The following KCTD16 variants were observed in gnomAD, a reference collection of about 807,000 sequenced individuals.
The protein encoded by KCTD16 is BTB/POZ domain-containing protein KCTD16.
A neutral mutation model predicts 33.2 loss-of-function variants in KCTD16; 13 were observed. The ratio of observed to expected loss-of-function variants is 0.39; its 90% CI spans 0.25 to 0.62. The LOEUF is 0.62. Among genes scored for constraint, KCTD16 ranks in the 20% least tolerant of loss-of-function variants. KCTD16 has a pLI of 0.50. For missense variants in KCTD16, 441 were observed against 525.1 expected (o/e 0.84, Z 1.57); for synonymous variants, 197 against 195.3 (o/e 1.01, Z -0.07).
chr5:144,258,699 T>A (rs1754917091), intron 3 of KCTD16, among the ~76,000 whole-genome samples: 1 of 152,254 alleles, frequency 6.6e-6, no homozygotes, highest in African/African-American at 2.4e-5. Flanking sequence ...ATACAAAAAT[T>A]GCTCATTTCT....
chr5:144,240,021 C>G (rs943907866), intron 3 of KCTD16, among the ~76,000 whole-genome samples: 1 of 152,078 alleles, frequency 6.6e-6, no homozygotes, highest in Non-Finnish European at 1.5e-5. Flanking sequence ...ACCTGGATTA[C>G]CCCCTTTAGT....
At chr5:144,360,090 C>G (rs1751671228) in intron 3 of KCTD16, among the ~76,000 whole-genome samples, 1 of 152,092 alleles carries the variant, frequency 6.6e-6, no homozygotes, top group Non-Finnish European at 1.5e-5. Context: ...GCGTGACCAT[C>G]ATTCTTTTTT....
At chr5:144,459,216 G>T in intron 3 of KCTD16, among the ~76,000 whole-genome samples, 1 of 152,128 alleles carries the variant, frequency 6.6e-6, no homozygotes, top group Admixed American at 6.5e-5. Flanking sequence ...ATGGGAATCT[G>T]GAAATCTATG....
intron 3 of KCTD16, among the ~76,000 whole-genome samples, chr5:144,277,303 C>CGAT (rs1012887235): frequency 5.3e-5 from 8 of 152,186 alleles, no homozygotes; most frequent in Non-Finnish European, 1.0e-4. Context: ...ATGATGACGA[C>CGAT]GATGATGATG....
intron 3 of KCTD16, among the ~76,000 whole-genome samples, chr5:144,241,318 T>A (rs1395651817): frequency 6.6e-6 from 1 of 152,192 alleles, no homozygotes; most frequent in Non-Finnish European, 1.5e-5. Context: ...AACACAGCTT[T>A]CATGATGGGT....
intron 3 of KCTD16, among the ~76,000 whole-genome samples, chr5:144,296,843 G>A (rs1450974891): frequency 6.6e-6 from 1 of 152,026 alleles, no homozygotes; most frequent in East Asian, 1.9e-4. Context: ...TTTGTACCTG[G>A]GCAAGAATTC....
At chr5:144,178,206 CT>C (rs1423688739) in intron 2 of KCTD16, among the ~76,000 whole-genome samples, 1 of 152,104 alleles carries the variant, frequency 6.6e-6, no homozygotes, top group African/African-American at 2.4e-5. Context: ...CTCTTAATGT[CT>C]ACAGTACCAG....
chr5:144,207,512 G>A lies in KCTD16; in HGVS notation c.798G>A (p.Lys266=). The change falls in exon 3 of 4, where the codon AAG becomes AAA. Residue 266 remains lysine (K), a synonymous_variant. Transcript: ENST00000512467. ...TCATCAACCAATATACAGATGACAA[G>A]ATCTGGTCAAGCTACACTGAATATG... ...ASFINQYTDD[K]IWSSYTEYVF... is the part of the protein sequence containing the mutation. The A allele has an allele frequency of 6.2e-7, 1 of 1,613,918 alleles. No homozygotes were observed. The highest frequency in any genetic ancestry group is 8.5e-7 in the Non-Finnish European group (1 of 1,179,932).
chr5:144,299,709 G>A (rs1446756743), intron 3 of KCTD16, among the ~76,000 whole-genome samples: 1 of 151,900 alleles, frequency 6.6e-6, no homozygotes, highest in Admixed American at 6.6e-5. Flanking sequence ...CTTAATGAAA[G>A]CAACACAGTT....
chr5:144,224,190 C>T (rs1195520514), intron 3 of KCTD16, among the ~76,000 whole-genome samples: 1 of 151,928 alleles, frequency 6.6e-6, no homozygotes, highest in South Asian at 2.1e-4. Context: ...GAGAATGTCA[C>T]CTTAATTATC....
At position 144,461,942 on chromosome 5, in the gene KCTD16, C is replaced by T. The variant is rs972228809; in HGVS notation, c.833-11718C>T. Among the ~76,000 whole-genome samples, 7 of 152,270 alleles carry T rather than the reference C, an allele frequency of 4.6e-5. No individual in the cohort carries two copies. In the East Asian group the frequency reaches 5.8e-4, roughly 13 times the overall value. ...CCTCCAGAAAGACTGCCAGAACTTCCCCGCTCTCCAAAGTCACACTGGGTG... is the reference window on the plus strand; with the variant it reads ...CCTCCAGAAAGACTGCCAGAACTTCTCCGCTCTCCAAAGTCACACTGGGTG... On this transcript the variant is annotated intron_variant, in intron 3 of 3. Transcript: ENST00000512467.
chr5:144,322,370 A>G (rs1361861291), intron 3 of KCTD16, among the ~76,000 whole-genome samples: 2 of 152,126 alleles, frequency 1.3e-5, no homozygotes, highest in Non-Finnish European at 2.9e-5. Flanking sequence ...CATGTGATAT[A>G]AGTTGATCTA....
chr5:144,219,918 G>A (rs1466995483), intron 3 of KCTD16, among the ~76,000 whole-genome samples: 2 of 152,124 alleles, frequency 1.3e-5, no homozygotes, highest in African/African-American at 2.4e-5. Context: ...GCCTGCTGCC[G>A]AAACAGAAGT....
At chr5:144,363,168 C>A (rs998264950) in intron 3 of KCTD16, among the ~76,000 whole-genome samples, 3 of 152,104 alleles carry the variant, frequency 2.0e-5, no homozygotes, top group South Asian at 2.1e-4. Context: ...ACAGTGAAAC[C>A]CAATCTCTAC....
chr5:144,182,745 TGA>T (rs139998235), intron 2 of KCTD16, among the ~76,000 whole-genome samples: 7 of 150,140 alleles, frequency 4.7e-5, no homozygotes, highest in East Asian at 1.9e-4. Context: ...GATCCCTGTC[TGA>T]GAGAGAGAGA....
intron 3 of KCTD16, among the ~76,000 whole-genome samples, chr5:144,212,018 G>A (rs1422747203): frequency 6.6e-6 from 1 of 152,156 alleles, no homozygotes; most frequent in Non-Finnish European, 1.5e-5. Flanking sequence ...TTGTACATAA[G>A]AGCACTTTTA....
At chr5:144,418,122 C>G (rs1301411524) in intron 3 of KCTD16, among the ~76,000 whole-genome samples, 3 of 152,134 alleles carry the variant, frequency 2.0e-5, no homozygotes, top group African/African-American at 7.2e-5. Context: ...TTGGTAGGTT[C>G]TCCTGCCCTC....
intron 3 of KCTD16, among the ~76,000 whole-genome samples, chr5:144,348,657 T>C (rs1363382893): frequency 1.3e-5 from 2 of 152,242 alleles, no homozygotes; most frequent in South Asian, 2.1e-4. Context: ...TACAAAGATA[T>C]TGTATTCTGA....
intron 3 of KCTD16, among the ~76,000 whole-genome samples, chr5:144,362,755 C>T (rs888722434): frequency 1.3e-5 from 2 of 152,016 alleles, no homozygotes; most frequent in African/African-American, 4.8e-5. Context: ...TAGGCAGTAC[C>T]GTCTGACACA....
Sources: gnomAD v4.1 joint callset for allele counts (sites outside exome capture counted in the v4.1 genomes callset) on GRCh38, gnomAD v4.1.1 for gene constraint, MANE v1.5 for transcripts, NCBI Gene and HGNC (gene_info 2026-07-23, HGNC 2026-07-21) for gene names.